HPS4: variants seen among roughly 807,000 people sequenced by gnomAD.
The protein encoded by HPS4 is BLOC-3 complex member HPS4.
A neutral mutation model predicts 70.3 loss-of-function variants in HPS4; 44 were observed. That is an observed-to-expected ratio of 0.63 (90% CI 0.49 to 0.80). The LOEUF (loss-of-function observed/expected upper bound fraction) is 0.80. HPS4 is among the 30% of genes least tolerant of loss of function. The probability of loss-of-function intolerance (pLI) is 0.00; values close to 1 mark genes in which losing one functional copy is unlikely to be tolerated. For missense variants in HPS4, 873 were observed against 884.4 expected (o/e 0.99, Z 0.16); for synonymous variants, 377 against 355.9 (o/e 1.06, Z -0.67).
rs145674158 is a variant in HPS4, at chr22:26,463,990, C to G, written c.1640G>C (p.Cys547Ser). The G allele has an allele frequency of 6.3e-5, 102 of 1,614,250 alleles. No individual in the cohort carries two copies. The East Asian group carries it at 2.2e-3, about 35-fold the overall frequency. The change falls in exon 11 of 14, where the codon TGC (cysteine) becomes TCC (serine). Residue 547 changes from cysteine (C) to serine (S), a missense_variant. By Grantham distance (112) the Cys-to-Ser change is moderately radical. Transcript: ENST00000398145. ...CAGGGACAGCACCAGCCCTTTGACG[C>G]AGTGAGTGTAGAGATTCATCCTCAC... is the stretch of plus-strand genomic sequence containing the variant. The part of the protein sequence containing the change: ...GLVRMNLYTH[C>S]VKGLVLSLLA...
At chr22:26,477,164 G>A (rs933898676) in intron 3 of HPS4, 28 bp from the exon 4 acceptor site, 1 of 1,613,720 alleles carries the variant, frequency 6.2e-7, no homozygotes, top group African/African-American at 1.3e-5. Context: ...ATTCCAGATA[G>A]GAAGCTGAAA....
In HPS4 at chr22:26,452,139, C is replaced by G; in HGVS notation, c.*1094G>C. On this transcript the variant is annotated 3_prime_UTR_variant, in exon 14 of 14. Transcript: ENST00000398145. ...CTATTTTATTTCTAGCCCTTGGAAG[C>G]TTGTTTCAAGAAAAAGACACCATAT... The G allele has an allele frequency of 3.0e-6, 1 of 337,040 alleles. No individual in the cohort carries two copies. Among genetic ancestry groups the G allele is most frequent in the Non-Finnish European group, 5.9e-6 (1 of 170,928 alleles). The allele number at this position is 337,040 out of a possible 1,614,324, so 20.9% of individuals were successfully genotyped here.
At chr22:26,469,251 T>G (rs1195621407) in intron 7 of HPS4, among the ~76,000 whole-genome samples, 1 of 117,766 alleles carries the variant, frequency 8.5e-6, no homozygotes, top group Non-Finnish European at 1.6e-5. Context: ...GTTTGAGACC[T>G]CCATGAGCAA....
In HPS4 at chr22:26,457,978, A is replaced by T. The variant is rs1464386599; in HGVS notation, c.1847-11T>A. ...CCTGCGGCAGGTTTGCTTCCAGAAG[A>T]GGACACAGAGTTGTGAAGAGCAGAC... On this transcript the variant is annotated splice_polypyrimidine_tract_variant and intron_variant, in intron 12 of 13. Transcript: ENST00000398145. 6.2e-7 allele frequency: 1 copy of T among 1,604,818 alleles called. No individual in the cohort carries two copies. Among genetic ancestry groups the T allele is most frequent in the Admixed American group, 1.7e-5 (1 of 59,964 alleles).
At chr22:26,483,574 A>T (rs2091539025) in intron 1 of HPS4, 100 bp downstream of exon 1, 1 of 198,408 alleles carries the variant, frequency 5.0e-6, no homozygotes. Context: ...GGGACTGGGA[A>T]ATGGTGGGCG....
rs542224565 is a variant in HPS4 at position 26,471,472 on chromosome 22, T to C, written c.502-659A>G. 8.7e-5 allele frequency: 39 copies of C among 448,910 alleles called. No homozygotes were observed. The East Asian group carries it at 1.7e-3, about 20-fold the overall frequency. 27.8% of individuals were successfully genotyped at this position (448,910 alleles called of 1,614,324 possible). A position where few individuals can be genotyped will look rare whatever the true frequency, so the allele number is the denominator to read the frequency against. On this transcript the variant is annotated intron_variant, in intron 6 of 13. Transcript: ENST00000398145. ...CCTCCTCAGACTTCCACCTGCCAGCTAGAACCAGCAAGTATCCACCAGCTG... is the reference window on the plus strand; with the variant it reads ...CCTCCTCAGACTTCCACCTGCCAGCCAGAACCAGCAAGTATCCACCAGCTG...
rs756788652 is a variant in HPS4, at chr22:26,464,702, C to G, written c.928G>C (p.Asp310His). 3.1e-6 allele frequency: 5 copies of G among 1,607,122 alleles called. No individual in the cohort carries two copies. In the East Asian group the frequency reaches 1.1e-4, roughly 36 times the overall value. ...CAAGCTTCGTCAGGGGATGTGGGAT[C>G]TGGGGTGGTCCAGGCCATGGATTCC... ...HVESMAWTTP[D>H]PTSPDEACPD... The change falls in exon 11 of 14, where the codon GAT (aspartate) becomes CAT (histidine). Residue 310 changes from aspartate to histidine, a missense_variant. Transcript: ENST00000398145.
In HPS4 at chr22:26,470,592, T is replaced by C. The variant is rs1238606660; in HGVS notation, c.596+127A>G. ...ACTGAGTCAAATCTAAACTACCTGATATTTGCCGAACCAGCCCACTTGGAA... is the reference window on the plus strand; with the variant it reads ...ACTGAGTCAAATCTAAACTACCTGACATTTGCCGAACCAGCCCACTTGGAA... On this transcript the variant is annotated intron_variant, in intron 7 of 13. Transcript: ENST00000398145. 43 of 830,790 alleles carry C rather than the reference T, an allele frequency of 5.2e-5. 3 individuals are homozygous for C. The South Asian group carries it at 6.0e-4, about 12-fold the overall frequency. 51.5% of individuals were successfully genotyped at this position (830,790 alleles called of 1,614,324 possible).
chr22:26,458,848 G>C (rs971685444), intron 11 of HPS4, among the ~76,000 whole-genome samples: 4 of 151,850 alleles, frequency 2.6e-5, no homozygotes, highest in Admixed American at 2.6e-4. Context: ...ATCATTCATG[G>C]AGTATCTTAC....
rs1447613174 is a variant in HPS4, at chr22:26,452,002, GCGCACACA to G, written c.*1223_*1230del. 1.2e-4 allele frequency: 10 copies of G among 86,860 alleles called. No homozygotes were observed. The highest frequency in any genetic ancestry group is 5.4e-4 in the Admixed American group (5 of 9,274). 5.4% of individuals were successfully genotyped at this position (86,860 alleles called of 1,614,324 possible). A position where few individuals can be genotyped will look rare whatever the true frequency, so the allele number is the denominator to read the frequency against. ...GCCCACGTTACGCGCGCGCGCGCGCGCGCACACACACACACACACACACACACACACAC... is the reference window on the plus strand; with the variant it reads ...GCCCACGTTACGCGCGCGCGCGCGCGCACACACACACACACACACACACAC... On this transcript the variant is annotated 3_prime_UTR_variant, in exon 14 of 14. Transcript: ENST00000398145.
chr22:26,449,323 ATTTTTTTTTTTTTT>A (rs35895945), downstream of HPS4, among the ~76,000 whole-genome samples: 2 of 83,324 alleles, frequency 2.4e-5, no homozygotes, highest in East Asian at 6.0e-4. Context: ...ACTCCCCTGC[ATTTTTTTTTTTTTT>A]TTTTTTTTTT....
Position 26,453,332 on chromosome 22 carries a change from T to C in HPS4, c.2028A>G (p.Ala676=), listed in dbSNP as rs750947119. The C allele has an allele frequency of 8.1e-6, 13 of 1,614,180 alleles. No homozygotes were observed. The highest frequency in any genetic ancestry group is 1.7e-4 in the Middle Eastern group (1 of 6,058). ...GGTTTGGGAAGCCGGAGCTCCGTGC[T>C]GCAGGTGCCAGCTGCTGGAAATATG... The part of the protein sequence containing the change: ...QETYFQQLAP[A]ARSSGFPNPQ... Residue 676 remains alanine (A), a synonymous_variant, in exon 14 of 14, where the codon GCA becomes GCG. Coordinates refer to ENST00000398145, the MANE Select transcript of HPS4 (RefSeq NM_022081.6).
chr22:26,460,678 A>G (rs1042859594), intron 11 of HPS4, among the ~76,000 whole-genome samples: 4 of 152,266 alleles, frequency 2.6e-5, no homozygotes, highest in African/African-American at 9.6e-5. Context: ...TGACATGTGG[A>G]TAATTTTTAC....
intron 13 of HPS4, among the ~76,000 whole-genome samples, chr22:26,455,385 T>C (rs1260034979): frequency 6.6e-6 from 1 of 151,702 alleles, no homozygotes; most frequent in East Asian, 1.9e-4. Flanking sequence ...ATATACACCA[T>C]GGAATACTAT....
chr22:26,453,113 AT>A lies in HPS4; in HGVS notation c.*119del. On this transcript the variant is annotated 3_prime_UTR_variant, in exon 14 of 14. Coordinates refer to ENST00000398145, the MANE Select transcript of HPS4 (RefSeq NM_022081.6). ...AAGGAATAACAAAAACTCAAATATC[AT>A]TTGGTTCCTAAAAAAGGGAATGTTT... 1.8e-6 allele frequency: 2 copies of A among 1,092,740 alleles called. No homozygotes were observed. The highest frequency in any genetic ancestry group is 3.1e-5 in the African/African-American group (2 of 63,774). 67.7% of individuals were successfully genotyped at this position (1,092,740 alleles called of 1,614,324 possible). A position where few individuals can be genotyped will look rare whatever the true frequency, so the allele number is the denominator to read the frequency against.
Position 26,479,589 on chromosome 22 carries a change from A to G in HPS4, c.42-234T>C, listed in dbSNP as rs1166663331. The G allele has an allele frequency of 2.2e-6, 3 of 1,360,942 alleles. No individual in the cohort carries two copies. In the African/African-American group the frequency reaches 4.4e-5, roughly 20 times the overall value. 84.3% of individuals were successfully genotyped at this position (1,360,942 alleles called of 1,614,324 possible). A position where few individuals can be genotyped will look rare whatever the true frequency, so the allele number is the denominator to read the frequency against. On this transcript the variant is annotated intron_variant, in intron 2 of 13. Coordinates refer to ENST00000398145, the MANE Select transcript of HPS4 (RefSeq NM_022081.6). Reference sequence around the variant, plus strand: ...ATCCAGCCGTTAGACCATCTGCCGGAGAAGACACGAGTAGCTAGAAAAAAA... The same window carrying G: ...ATCCAGCCGTTAGACCATCTGCCGGGGAAGACACGAGTAGCTAGAAAAAAA...
rs369053765 is a variant in HPS4 at position 26,464,498 on chromosome 22, G to A, written c.1132C>T (p.Gln378Ter). ...TGACCTGAGGCCATTTCCACTTCCT[G>A]AGCCTCTGGAATGTGGATTTCAGAC... ...DLSEIHIPEA[Q>*]EVEMASGHFA... The change falls in exon 11 of 14, where the codon CAG becomes TAG. Residue 378 changes from glutamine to a stop codon, truncating the protein, a stop_gained. Coordinates refer to ENST00000398145, the MANE Select transcript of HPS4 (RefSeq NM_022081.6). LOFTEE classifies it high-confidence loss of function. The A allele has an allele frequency of 6.8e-6, 11 of 1,614,084 alleles. No homozygotes were observed. Among genetic ancestry groups the A allele is most frequent in the Non-Finnish European group, 8.5e-6 (10 of 1,180,044 alleles).
chr22:26,472,279 A>T (rs2089935128), intron 6 of HPS4, 23 bp downstream of exon 6: 1 of 1,338,182 alleles, frequency 7.5e-7, no homozygotes, highest in Non-Finnish European at 1.1e-6. Context: ...ATATAAAATG[A>T]ATAAGGAGGA....
intron 10 of HPS4, 92 bp from the exon 11 acceptor site, chr22:26,464,918 G>A (rs1427338021): frequency 1.6e-6 from 2 of 1,228,600 alleles, no homozygotes; most frequent in East Asian, 2.3e-5. Flanking sequence ...CAGGCATCAA[G>A]GACAAGGGGG....
Sources: allele counts gnomAD v4.1 joint callset (sites outside exome capture counted in the v4.1 genomes callset), GRCh38; gene constraint gnomAD v4.1.1; transcripts MANE v1.5; gene names NCBI Gene and HGNC (gene_info 2026-07-23, HGNC 2026-07-21).